The following KANSL3 variants were observed in gnomAD, a reference collection of about 807,000 sequenced individuals.
KANSL3 encodes NSL complex protein NSL3.
A neutral mutation model predicts 89.2 loss-of-function variants in KANSL3; 16 were observed. That is an observed-to-expected ratio of 0.18 (90% CI 0.12 to 0.27). The LOEUF is 0.27. Ranked by LOEUF, KANSL3 falls within the 10% of genes least tolerant of loss-of-function variation. The probability of loss-of-function intolerance (pLI) is 1.00; values close to 1 mark genes in which losing one functional copy is unlikely to be tolerated. For synonymous variants in KANSL3, 385 were observed against 419.7 expected (o/e 0.92, Z 1.01); for missense variants, 879 against 1,110.6 (o/e 0.79, Z 2.96).
chr2:96,628,831 A>G (rs2072876927), intron 3 of KANSL3, among the ~76,000 whole-genome samples: 2 of 152,038 alleles, frequency 1.3e-5, no homozygotes, highest in Admixed American at 1.3e-4. Flanking sequence ...AGGACAAGGT[A>G]GTAGAAAATA....
intron 14 of KANSL3, chr2:96,606,595 A>G (rs2068018790): frequency 5.1e-6 from 1 of 194,744 alleles, no homozygotes; most frequent in Non-Finnish European, 1.0e-5. Context: ...TTCTATGCTG[A>G]TATGTGGCTG....
At chr2:96,638,059 C>T (rs1322639814) in intron 1 of KANSL3, 3 of 152,460 alleles carry the variant, frequency 2.0e-5, no homozygotes, top group Non-Finnish European at 4.4e-5. Context: ...CTCCCGCTCC[C>T]TGGGGCAGGG....
At chr2:96,598,239 GT>G in intron 20 of KANSL3, 1 of 560,894 alleles carries the variant, frequency 1.8e-6, no homozygotes, top group Non-Finnish European at 2.3e-6. Context: ...CTATAAAACT[GT>G]TTTAGAGTAT....
At chr2:96,605,268 C>T in intron 15 of KANSL3, 52 bp downstream of exon 15, 1 of 1,491,640 alleles carries the variant, frequency 6.7e-7, no homozygotes, top group Non-Finnish European at 9.2e-7. Context: ...AAGGGCAATG[C>T]TGTGTACCTG....
chr2:96,580,529 C>T, the KANSL3 span, among the ~76,000 whole-genome samples: 2 of 152,188 alleles, frequency 1.3e-5, no homozygotes, highest in East Asian at 1.9e-4. Context: ...TAAAAATAGG[C>T]GAAACCAACC....
chr2:96,611,900 C>CGTGTGTGTGTGTGTGTGTGT (rs1558703636), intron 9 of KANSL3, among the ~76,000 whole-genome samples: 2 of 79,570 alleles, frequency 2.5e-5, no homozygotes, highest in African/African-American at 1.9e-4. Flanking sequence ...GATATATACC[C>CGTGTGTGTGTGTGTGTGTGT]ATATGTGTGT....
intron 3 of KANSL3, among the ~76,000 whole-genome samples, chr2:96,623,220 C>T (rs2071634142): frequency 6.6e-6 from 1 of 152,188 alleles, no homozygotes; most frequent in South Asian, 2.1e-4. Flanking sequence ...ACAGCCAGGT[C>T]CCTATCCAAA....
At chr2:96,598,062 G>A in intron 20 of KANSL3, 2 of 983,156 alleles carry the variant, frequency 2.0e-6, no homozygotes, top group Non-Finnish European at 2.4e-6. Flanking sequence ...CCAGGCCATG[G>A]CAAGCTGAGA....
rs1371289836 is a variant in KANSL3, at chr2:96,594,651, A to G, written c.*960T>C. 6.6e-6 allele frequency: 1 copy of G among 152,242 alleles called. No individual in the cohort carries two copies. The highest frequency in any genetic ancestry group is 1.5e-5 in the Non-Finnish European group (1 of 68,086). The allele number at this position is 152,242 out of a possible 1,614,324, so 9.4% of individuals were successfully genotyped here. A position where few individuals can be genotyped will look rare whatever the true frequency, so the allele number is the denominator to read the frequency against. On this transcript the variant is annotated 3_prime_UTR_variant, in exon 21 of 21. Coordinates refer to ENST00000431828, the MANE Select transcript of KANSL3 (RefSeq NM_001115016.3). ...CCTGCTTCACCTCCAGAGACTGGAG[A>G]CAGAGGATTTTCCGGGGTTGGGGTT...
At chr2:96,629,109 C>A (rs1184379004) in intron 3 of KANSL3, among the ~76,000 whole-genome samples, 1 of 152,172 alleles carries the variant, frequency 6.6e-6, no homozygotes, top group Admixed American at 6.5e-5. Context: ...GATTAAGAGA[C>A]AATGCATTTG....
chr2:96,602,659 A>T (rs1214446867), intron 18 of KANSL3, 94 bp downstream of exon 18: 7 of 970,328 alleles, frequency 7.2e-6, no homozygotes, highest in Non-Finnish European at 9.3e-6. Flanking sequence ...TCCTTGATCC[A>T]CTGACTCCAG....
chr2:96,631,515 C>T, intron 2 of KANSL3, 33 bp from the exon 3 acceptor site: 1 of 1,552,376 alleles, frequency 6.4e-7, no homozygotes, highest in Non-Finnish European at 8.7e-7. Flanking sequence ...GACCGGGCCA[C>T]ACATACTTCA....
Position 96,608,545 on chromosome 2 carries a change from C to G in KANSL3, c.1704G>C (p.Gln568His). The G allele has an allele frequency of 6.2e-7, 1 of 1,614,058 alleles. No individual in the cohort carries two copies. Among genetic ancestry groups the G allele is most frequent in the Non-Finnish European group, 8.5e-7 (1 of 1,179,906 alleles). The change falls in exon 14 of 21, where the codon CAG becomes CAC. Residue 568 changes from glutamine to histidine, a missense_variant. Physicochemically the swap from Gln to His is conservative, Grantham distance 24. Around this residue, in one of 6 missense-constraint regions of KANSL3, gnomAD observed 317 missense variants for 311.2 expected, o/e 1.02. Coordinates refer to ENST00000431828, the MANE Select transcript of KANSL3 (RefSeq NM_001115016.3). ...GSSQLLKRHV[Q>H]RTEAVLTHKQ... ...TGTGGGTCAGCACAGCTTCTGTCCG[C>G]TGCACATGTCTCTTCAGCAGCTGAG...
intron 2 of KANSL3, among the ~76,000 whole-genome samples, chr2:96,632,284 T>C (rs947760680): frequency 2.0e-5 from 3 of 152,130 alleles, no homozygotes; most frequent in East Asian, 1.9e-4. Context: ...TTTGGCAATA[T>C]GGCAAAACCC....
At chr2:96,609,207 G>T in intron 12 of KANSL3, 143 bp from the exon 13 acceptor site, 1 of 819,488 alleles carries the variant, frequency 1.2e-6, no homozygotes, top group African/African-American at 1.7e-5. Context: ...ACAAGGTCTG[G>T]CGCAAATCCC....
At chr2:96,621,471 G>A (rs989153056) in intron 3 of KANSL3, among the ~76,000 whole-genome samples, 24 of 151,134 alleles carry the variant, frequency 1.6e-4, no homozygotes, top group East Asian at 2.0e-4. Context: ...CCGAGATTGC[G>A]CCACTGCACT....
At chr2:96,613,662 G>C in intron 5 of KANSL3, 43 bp from the exon 6 acceptor site, 1 of 1,591,772 alleles carries the variant, frequency 6.3e-7, no homozygotes, top group East Asian at 2.3e-5. Flanking sequence ...TGTAAAGCAG[G>C]AGACCTTCCA....
At chr2:96,608,119 C>G (rs994416320) in intron 14 of KANSL3, among the ~76,000 whole-genome samples, 1 of 152,170 alleles carries the variant, frequency 6.6e-6, no homozygotes, top group African/African-American at 2.4e-5. Flanking sequence ...CTTCAAGGGT[C>G]AAACAAAGAA....
intron 14 of KANSL3, chr2:96,606,424 G>C (rs1573358487): frequency 1.3e-5 from 2 of 152,674 alleles, no homozygotes; most frequent in Non-Finnish European, 2.9e-5. Flanking sequence ...GGGAAGCAAA[G>C]ACTGGTGTGG....
Sources: allele counts gnomAD v4.1 joint callset (sites outside exome capture counted in the v4.1 genomes callset), GRCh38; gene constraint gnomAD v4.1.1; regional missense constraint gnomAD v4.1.1; transcripts MANE v1.5; gene names NCBI Gene and HGNC (gene_info 2026-07-23, HGNC 2026-07-21).